KCNK9: variants seen among roughly 807,000 people sequenced by gnomAD.
KCNK9 encodes potassium channel subfamily K member 9.
KCNK9 carries 1 observed loss-of-function variant against 10.8 expected under a neutral mutation model. That is an observed-to-expected ratio of 0.09 (90% CI 0.03 to 0.44). The LOEUF (loss-of-function observed/expected upper bound fraction) is 0.44. Among genes scored for constraint, KCNK9 ranks in the 20% least tolerant of loss-of-function variants. The pLI is 0.97. For missense variants in KCNK9, 303 were observed against 515.0 expected (o/e 0.59, Z 3.98); for synonymous variants, 231 against 222.7 (o/e 1.04, Z -0.33).
intron 1 of KCNK9, among the ~76,000 whole-genome samples, chr8:139,620,300 A>G (rs1814737935): frequency 1.3e-5 from 2 of 152,218 alleles, no homozygotes; most frequent in African/African-American, 4.8e-5. Flanking sequence ...CCATCAAGAT[A>G]GATTTCCCTG....
intron 1 of KCNK9, among the ~76,000 whole-genome samples, chr8:139,631,792 C>A (rs2615376): frequency 0.06 from 9,141 of 152,144 alleles, 610 homozygotes; most frequent in East Asian, 0.37. Context: ...CAAGCTAGGT[C>A]CTAATACCCT....
rs538886318 is a variant in KCNK9, at chr8:139,688,497, C to T, written c.283+14213G>A. ...TCTAGAGAGAATTCATTCACTATCA[C>T]AAGAACAGCATGGGACTGCCCACAT... On this transcript the variant is annotated intron_variant, in intron 1 of 1. Transcript: ENST00000520439. Among the ~76,000 whole-genome samples the T allele has an allele frequency of 7.2e-5, 11 of 152,328 alleles. No individual in the cohort carries two copies. In the East Asian group the frequency reaches 2.1e-3, roughly 29 times the overall value.
chr8:139,658,796 G>A (rs1490335613), intron 1 of KCNK9, among the ~76,000 whole-genome samples: 1 of 152,256 alleles, frequency 6.6e-6, no homozygotes, highest in Non-Finnish European at 1.5e-5. Flanking sequence ...CAGGAAGCGA[G>A]GTGGCTCTCC....
At chr8:139,627,374 CTG>C (rs1228773835) in intron 1 of KCNK9, among the ~76,000 whole-genome samples, 1 of 152,190 alleles carries the variant, frequency 6.6e-6, no homozygotes, top group Non-Finnish European at 1.5e-5. Context: ...TGTAGGCACT[CTG>C]ATGGTTTCAG....
At chr8:139,603,721 G>A (rs1673324830) in intron 2 of KCNK9, among the ~76,000 whole-genome samples, 1 of 152,148 alleles carries the variant, frequency 6.6e-6, no homozygotes, top group African/African-American at 2.4e-5. Context: ...TCTGAGCTTG[G>A]GCCTTGGCTA....
chr8:139,611,052 C>T (rs1231665979), downstream of KCNK9, among the ~76,000 whole-genome samples: 3 of 152,362 alleles, frequency 2.0e-5, no homozygotes, highest in African/African-American at 7.2e-5. Context: ...TCCATGAAGC[C>T]CTGCCTGAGT....
Position 139,618,107 on chromosome 8 carries a change from A to C in KCNK9, c.*151T>G. On this transcript the variant is annotated 3_prime_UTR_variant, in exon 2 of 2. Coordinates refer to ENST00000520439, the MANE Select transcript of KCNK9 (RefSeq NM_001282534.2). This position sits in a 1 kb window ranked among gnomAD's most constrained non-coding sequence, Gnocchi z 7.9. Reference sequence around the variant, plus strand: ...TGTCTGGCTGGAAAGGTGGGGGAAAATGAGACCAAGAGACCAAGAAAGGAG... The same window carrying C: ...TGTCTGGCTGGAAAGGTGGGGGAAACTGAGACCAAGAGACCAAGAAAGGAG... 1 of 1,128,800 alleles carries C rather than the reference A, an allele frequency of 8.9e-7. No individual in the cohort carries two copies. The highest frequency in any genetic ancestry group is 1.3e-6 in the Non-Finnish European group (1 of 795,738). The allele number at this position is 1,128,800 out of a possible 1,614,324, so 69.9% of individuals were successfully genotyped here.
chr8:139,657,908 G>A (rs911071096), intron 1 of KCNK9, among the ~76,000 whole-genome samples: 1 of 152,150 alleles, frequency 6.6e-6, no homozygotes, highest in African/African-American at 2.4e-5. Context: ...GCTGGCCCCT[G>A]CTCCCAGGAT....
chr8:139,634,794 G>C (rs1815288569), intron 1 of KCNK9, among the ~76,000 whole-genome samples: 1 of 152,210 alleles, frequency 6.6e-6, no homozygotes, highest in South Asian at 2.1e-4. Context: ...TCCTTGGCTT[G>C]AGGGGAGCAG....
At chr8:139,681,890 G>A (rs985453179) in intron 1 of KCNK9, among the ~76,000 whole-genome samples, 1 of 152,234 alleles carries the variant, frequency 6.6e-6, no homozygotes, top group Admixed American at 6.5e-5. Flanking sequence ...GGAGCTCAGG[G>A]AGACACCAGG....
intron 1 of KCNK9, among the ~76,000 whole-genome samples, chr8:139,651,823 T>TGG (rs1815874770): frequency 1.3e-5 from 2 of 152,194 alleles, no homozygotes; most frequent in Non-Finnish European, 2.9e-5. Context: ...ATTGCTGTAT[T>TGG]GCCCCTTGGC....
chr8:139,606,302 G>T (rs903578052), intron 2 of KCNK9, among the ~76,000 whole-genome samples: 3 of 152,120 alleles, frequency 2.0e-5, no homozygotes, highest in Admixed American at 6.5e-5. Flanking sequence ...GCCTCCGGTA[G>T]CATCTTCATA....
chr8:139,638,826 CAT>C (rs1043051379), intron 1 of KCNK9, among the ~76,000 whole-genome samples: 1 of 152,220 alleles, frequency 6.6e-6, no homozygotes, highest in African/African-American at 2.4e-5. Context: ...ACACATGATA[CAT>C]AGAGGCATCA....
At chr8:139,645,177 G>A (rs1360634893) in intron 1 of KCNK9, among the ~76,000 whole-genome samples, 1 of 152,216 alleles carries the variant, frequency 6.6e-6, no homozygotes, top group Non-Finnish European at 1.5e-5. Context: ...GTGGAGCACT[G>A]GGAGGCATTC....
chr8:139,617,865 G>A lies in KCNK9; in HGVS notation c.*393C>T, dbSNP rs896175508. On this transcript the variant is annotated 3_prime_UTR_variant, in exon 2 of 2. Transcript: ENST00000520439. ...CACTAAGGGTAGGCGATTGAAGGCT[G>A]AGCGTGATGTGCAGCTTTGGGGTGG... is the stretch of plus-strand genomic sequence containing the variant. The A allele has an allele frequency of 6.6e-6, 2 of 301,610 alleles. No individual in the cohort carries two copies. Among genetic ancestry groups the A allele is most frequent in the Admixed American group, 4.8e-5 (1 of 20,940 alleles). 18.7% of individuals were successfully genotyped at this position (301,610 alleles called of 1,614,324 possible).
At chr8:139,698,835 T>A (rs1370561881) in intron 1 of KCNK9, among the ~76,000 whole-genome samples, 18 of 152,208 alleles carry the variant, frequency 1.2e-4, no homozygotes, top group Admixed American at 1.2e-3. Flanking sequence ...CGTTTATGAA[T>A]GAGAAAAGGA....
chr8:139,623,652 C>T (rs1267667960), intron 1 of KCNK9, among the ~76,000 whole-genome samples: 1 of 152,108 alleles, frequency 6.6e-6, no homozygotes, highest in East Asian at 1.9e-4. Flanking sequence ...TACCCTACCG[C>T]CCCCTCCCCC....
At chr8:139,608,208 G>A (rs1014728044), downstream of KCNK9, among the ~76,000 whole-genome samples, 8 of 152,192 alleles carry the variant, frequency 5.3e-5, no homozygotes, top group Non-Finnish European at 8.8e-5. Flanking sequence ...TGAGGGAGGT[G>A]CTGGTGACAA....
intron 1 of KCNK9, among the ~76,000 whole-genome samples, chr8:139,640,867 G>A (rs529765954): frequency 2.4e-4 from 36 of 152,388 alleles, no homozygotes; most frequent in Non-Finnish European, 4.4e-4. Flanking sequence ...GAGCATTGCA[G>A]ACGTGCACCG....
Sources: allele counts gnomAD v4.1 joint callset (sites outside exome capture counted in the v4.1 genomes callset), GRCh38; gene constraint gnomAD v4.1.1; non-coding constraint Gnocchi (gnomAD v3.1); transcripts MANE v1.5; gene names NCBI Gene and HGNC (gene_info 2026-07-23, HGNC 2026-07-21).